FCSK: variants seen among roughly 807,000 people sequenced by gnomAD.
FCSK encodes the protein L-fucose kinase.
In FCSK, 123 loss-of-function variants were observed where a neutral mutation model predicts 122.5. The ratio of observed to expected loss-of-function variants is 1.00; its 90% CI spans 0.87 to 1.17. FCSK has a LOEUF of 1.17. Among genes scored for constraint, FCSK ranks in the 50% most tolerant of loss-of-function variants. The pLI is 0.00. For missense variants in FCSK, 1,366 were observed against 1,450.4 expected, an observed-to-expected ratio of 0.94 and a Z score of 0.95; for synonymous variants, 620 against 625.5, an observed-to-expected ratio of 0.99 and a Z score of 0.13.
chr16:70,462,019 G>A (rs760532560), intron 1 of FCSK, among the ~76,000 whole-genome samples: 1 of 152,180 alleles, frequency 6.6e-6, no homozygotes, highest in Non-Finnish European at 1.5e-5. Flanking sequence ...CCATCCATGC[G>A]AGGGATCACT....
chr16:70,462,405 A>C (rs1208249272), intron 1 of FCSK: 1 of 152,252 alleles, frequency 6.6e-6, no homozygotes, highest in East Asian at 1.9e-4. Flanking sequence ...AGCCCACTAC[A>C]GCCATAATCT....
rs1207664954 is a variant in FCSK, at chr16:70,477,911, G to A, written c.2642-361G>A. On this transcript the variant is annotated intron_variant, in intron 20 of 23. Transcript: ENST00000288078. ...TTGGCCAGGTTGGTCTCAAACTCCT[G>A]ACCTCAAATGATCTGCCCGCCTTAG... is the stretch of plus-strand genomic sequence containing the variant. The A allele has an allele frequency of 1.4e-5, 3 of 209,304 alleles. No individual in the cohort carries two copies. The East Asian group carries it at 3.7e-4, about 26-fold the overall frequency. The allele number at this position is 209,304 out of a possible 1,614,324, so 13.0% of individuals were successfully genotyped here. A position where few individuals can be genotyped will look rare whatever the true frequency, so the allele number is the denominator to read the frequency against.
Position 70,479,293 on chromosome 16 carries a change from C to T in FCSK, c.3043C>T (p.His1015Tyr), listed in dbSNP as rs191210378. 2.5e-5 allele frequency: 40 copies of T among 1,614,042 alleles called. No homozygotes were observed. In the South Asian group the frequency reaches 3.7e-4, roughly 15 times the overall value. The change falls in exon 23 of 24, where the codon CAC (histidine) becomes TAC (tyrosine). Residue 1015 changes from histidine (H) to tyrosine (Y), a missense_variant. Transcript: ENST00000288078. ...GCGTATGATGGATGTCCTGGCCCCC[C>T]ACGTGCATGGCCAGAGCCTGGCTGG... is the stretch of plus-strand genomic sequence containing the variant. ...VRRMMDVLAP[H>Y]VHGQSLAGAG...
rs745882827 is a variant in FCSK, at chr16:70,474,998, G to C, written c.2364G>C (p.Gln788His). 2 of 1,603,054 alleles carry C rather than the reference G, an allele frequency of 1.2e-6. No individual in the cohort carries two copies. The highest frequency in any genetic ancestry group is 1.1e-5 in the South Asian group (1 of 89,640). Reference protein sequence around the residue: ...RCLADLRDYCQPHAPGALLKA... With the variant: ...RCLADLRDYCHPHAPGALLKA... ...TGGCTGACCTGCGGGACTACTGCCAGCCTCATGCCCCAGGTCAGGCACCCT... is the reference window on the plus strand; with the variant it reads ...TGGCTGACCTGCGGGACTACTGCCACCCTCATGCCCCAGGTCAGGCACCCT... Residue 788 changes from glutamine (Q) to histidine (H), a missense_variant, in exon 18 of 24, where the codon CAG (glutamine) becomes CAC (histidine). Physicochemically the swap from Gln to His is conservative, Grantham distance 24 (BLOSUM62 0). Coordinates refer to ENST00000288078, the MANE Select transcript of FCSK (RefSeq NM_145059.3).
Position 70,475,333 on chromosome 16 carries a change from T to C in FCSK, c.2378-17T>C. 1.9e-6 allele frequency: 3 copies of C among 1,608,090 alleles called. No homozygotes were observed. The highest frequency in any genetic ancestry group is 2.5e-6 in the Non-Finnish European group (3 of 1,179,798). On this transcript the variant is annotated splice_polypyrimidine_tract_variant and intron_variant, in intron 18 of 23. Transcript: ENST00000288078. ...CCATCGAGACTGAATTCCTTTCTCA[T>C]GCCTGTCCTTCTGCAGGGGCCCTGC... is the stretch of plus-strand genomic sequence containing the variant.
At chr16:70,464,072 A>G (rs2048343735) in intron 3 of FCSK, among the ~76,000 whole-genome samples, 1 of 152,150 alleles carries the variant, frequency 6.6e-6, no homozygotes, top group Admixed American at 6.5e-5. Context: ...CCATATGGCA[A>G]CGAACTGTTC....
At chr16:70,466,817 C>A in intron 5 of FCSK, 65 bp from the exon 6 acceptor site, 1 of 1,445,150 alleles carries the variant, frequency 6.9e-7, no homozygotes, top group Non-Finnish European at 9.6e-7. Flanking sequence ...TATCCTTGGG[C>A]AAGGAGGGGG....
intron 4 of FCSK, 47 bp from the exon 5 acceptor site, chr16:70,466,085 T>G: frequency 6.3e-7 from 1 of 1,597,298 alleles, no homozygotes; most frequent in South Asian, 1.1e-5. Context: ...TGAGGTGGCC[T>G]TGGGCTCTGT....
chr16:70,456,290 A>T (rs1356151515), intron 1 of FCSK, among the ~76,000 whole-genome samples: 2 of 152,216 alleles, frequency 1.3e-5, no homozygotes, highest in Non-Finnish European at 2.9e-5. Context: ...TTTAAACTAC[A>T]GTTTTCTTGT....
In FCSK at chr16:70,474,284, G is replaced by C. The variant is rs1424581619; in HGVS notation, c.1933G>C (p.Asp645His). Residue 645 changes from aspartate (D) to histidine (H), a missense_variant, in exon 16 of 24, where the codon GAC (aspartate) becomes CAC (histidine). Physicochemically the swap from Asp to His is moderately conservative, Grantham distance 81. Transcript: ENST00000288078. ...MRPFSYLECG[D>H]LAAGVEALAQ... ...GCCCTTCTCATACCTGGAGTGTGGA[G>C]ACCTGGCAGCGGGCGTGGAGGCGCT... 1 of 1,613,570 alleles carries C rather than the reference G, an allele frequency of 6.2e-7. No homozygotes were observed. The highest frequency in any genetic ancestry group is 1.1e-5 in the South Asian group (1 of 91,038).
Position 70,466,209 on chromosome 16 carries a change from A to G in FCSK, c.363A>G (p.Glu121=), listed in dbSNP as rs368751074. The G allele has an allele frequency of 1.8e-5, 29 of 1,613,768 alleles. No homozygotes were observed. The African/African-American group carries it at 2.8e-4, about 16-fold the overall frequency. The change falls in exon 5 of 24, where the codon GAA becomes GAG. Residue 121 remains glutamate, a synonymous_variant. Coordinates refer to ENST00000288078, the MANE Select transcript of FCSK (RefSeq NM_145059.3). ...LPVENPEAPV[E]ALVCNLDCLL... is the part of the protein sequence containing the mutation. ...TGGAGAACCCCGAGGCCCCCGTGGA[A>G]GCCTTGGTCTGCAACCTGGACTGCC...
At chr16:70,466,853 A>G in intron 5 of FCSK, 29 bp from the exon 6 acceptor site, 2 of 1,604,616 alleles carry the variant, frequency 1.2e-6, no homozygotes, top group Non-Finnish European at 1.7e-6. Flanking sequence ...GCCAGGCACC[A>G]GCTGTGTTCT....
At chr16:70,477,229 T>A (rs1473146133) in intron 20 of FCSK, 2 of 152,164 alleles carry the variant, frequency 1.3e-5, no homozygotes, top group East Asian at 3.9e-4. Context: ...GTCACCCAGA[T>A]TGGAGTGCAG....
chr16:70,476,192 AC>A (rs1350196851), intron 20 of FCSK: 4 of 152,654 alleles, frequency 2.6e-5, no homozygotes, highest in Non-Finnish European at 5.8e-5. Flanking sequence ...TTTAGTAGAG[AC>A]GGGGTTTCAC....
chr16:70,470,245 G>T (rs2048567792), intron 10 of FCSK, 69 bp from the exon 11 acceptor site: 4 of 1,069,808 alleles, frequency 3.7e-6, no homozygotes, highest in Non-Finnish European at 4.2e-6. Flanking sequence ...TGTCTCTGCT[G>T]CTGGGAGGCA....
intron 4 of FCSK, among the ~76,000 whole-genome samples, chr16:70,465,725 G>A (rs1306647197): frequency 1.4e-4 from 22 of 152,074 alleles, no homozygotes; most frequent in Admixed American, 8.5e-4. Flanking sequence ...AGGTTGAGGC[G>A]GGCAGATCAC....
At position 70,471,135 on chromosome 16, in the gene FCSK, G is replaced by T. The variant is rs1262391284; in HGVS notation, c.1171-47G>T. The stretch of plus-strand genomic sequence containing the variant: ...GCTGGCATCCCGCATGTGTTGGGGG[G>T]TGTTGGGTGCCTGCCCACCCAGGAT... On this transcript the variant is annotated intron_variant, in intron 12 of 23. Transcript: ENST00000288078. 2.5e-6 allele frequency: 4 copies of T among 1,590,802 alleles called. No individual in the cohort carries two copies. In the South Asian group the frequency reaches 3.4e-5, roughly 13 times the overall value.
At chr16:70,474,392 A>G (rs2048729085) in intron 16 of FCSK, 53 bp downstream of exon 16, 1 of 1,585,268 alleles carries the variant, frequency 6.3e-7, no homozygotes, top group Non-Finnish European at 8.6e-7. Context: ...CTGTCTGGGA[A>G]GTGGACCCTG....
intron 1 of FCSK, among the ~76,000 whole-genome samples, chr16:70,455,523 A>C (rs1436241392): frequency 1.4e-5 from 2 of 138,562 alleles, no homozygotes; most frequent in Non-Finnish European, 3.2e-5. Context: ...ACAACAACAA[A>C]AGAACCTTAG....
Sources: allele counts gnomAD v4.1 joint callset (sites outside exome capture counted in the v4.1 genomes callset), GRCh38; gene constraint gnomAD v4.1.1; transcripts MANE v1.5; gene names NCBI Gene and HGNC (gene_info 2026-07-23, HGNC 2026-07-21).